The following RXRG variants were observed in gnomAD, a reference collection of about 807,000 sequenced individuals.
RXRG encodes retinoic acid receptor RXR-gamma.
RXRG carries 19 observed loss-of-function variants against 49.2 expected under a neutral mutation model. That is an observed-to-expected ratio of 0.39 (90% confidence interval 0.27 to 0.57). RXRG has a LOEUF of 0.57. RXRG is among the 20% of genes least tolerant of loss of function. RXRG has a pLI of 0.64. For missense variants in RXRG, 452 were observed against 592.5 expected (o/e 0.76, Z 2.46); for synonymous variants, 224 against 216.6 (o/e 1.03, Z -0.30).
chr1:165,438,750 A>C (rs557299545), intron 1 of RXRG, among the ~76,000 whole-genome samples: 1 of 152,230 alleles, frequency 6.6e-6, no homozygotes, highest in Non-Finnish European at 1.5e-5. Context: ...ATTTCTAAAC[A>C]AAAACAACCA....
chr1:165,424,182 G>A (rs1658410247), intron 2 of RXRG, among the ~76,000 whole-genome samples: 1 of 152,204 alleles, frequency 6.6e-6, no homozygotes, highest in South Asian at 2.1e-4. Context: ...TCTTCCCAAT[G>A]ATATATTGAT....
At chr1:165,406,431 G>A (rs1318297568) in intron 9 of RXRG, among the ~76,000 whole-genome samples, 1 of 152,212 alleles carries the variant, frequency 6.6e-6, no homozygotes, top group Non-Finnish European at 1.5e-5. Flanking sequence ...ACACGAACAG[G>A]GTTCACATCT....
Position 165,401,397 on chromosome 1 carries a change from G to A in RXRG, c.1258C>T (p.Leu420=), listed in dbSNP as rs1389890886. The part of the protein sequence containing the change: ...PEQPGRFAKL[L]LRLPALRSIG... ...GAACGCAGAGCTGGGAGGCGCAGCA[G>A]CAGCTTGGCAAACCTGCAGGGAAGC... Residue 420 remains leucine, a synonymous_variant, in exon 10 of 10, where the codon CTG becomes TTG. Coordinates refer to ENST00000359842, the MANE Select transcript of RXRG (RefSeq NM_006917.5). The A allele has an allele frequency of 6.2e-7, 1 of 1,614,116 alleles. No individual in the cohort carries two copies. Among genetic ancestry groups the A allele is most frequent in the Non-Finnish European group, 8.5e-7 (1 of 1,180,036 alleles).
At chr1:165,420,677 C>G (rs923881441) in intron 2 of RXRG, among the ~76,000 whole-genome samples, 1 of 152,204 alleles carries the variant, frequency 6.6e-6, no homozygotes, top group Non-Finnish European at 1.5e-5. Flanking sequence ...CTCCCCATCA[C>G]CATCCCTGTA....
intron 1 of RXRG, among the ~76,000 whole-genome samples, chr1:165,442,859 C>T (rs1217848443): frequency 6.6e-6 from 1 of 152,196 alleles, no homozygotes; most frequent in South Asian, 2.1e-4. Context: ...TGCCTAAGGT[C>T]ACACAGCTAC....
chr1:165,436,594 C>T (rs985979673), intron 1 of RXRG, among the ~76,000 whole-genome samples: 2 of 152,128 alleles, frequency 1.3e-5, no homozygotes, highest in African/African-American at 4.8e-5. Flanking sequence ...ATGGATTCTG[C>T]CTCGGAGGGA....
chr1:165,434,271 C>CGT lies in RXRG; in HGVS notation c.50-5306_50-5305insAC, dbSNP rs1491363219. ...ACCACAATCTCTAAACAATGAATTG[C>CGT]ATGTGTGTATGTGTGTGTGTGTGTG... is the stretch of plus-strand genomic sequence containing the variant. On this transcript the variant is annotated intron_variant, in intron 1 of 9. Coordinates refer to ENST00000359842, the MANE Select transcript of RXRG (RefSeq NM_006917.5). 2.7e-3 allele frequency among the ~76,000 whole-genome samples: 323 copies of CGT among 120,778 alleles called. 2 individuals carry two copies. The highest frequency in any genetic ancestry group is 8.0e-3 in the Middle Eastern group (2 of 250). 79.2% of individuals were successfully genotyped at this position (120,778 alleles called of 152,430 possible).
chr1:165,401,256 G>A lies in RXRG; in HGVS notation c.*7C>T. The A allele has an allele frequency of 6.2e-7, 1 of 1,613,912 alleles. No individual in the cohort carries two copies. The highest frequency in any genetic ancestry group is 8.5e-7 in the Non-Finnish European group (1 of 1,179,928). On this transcript the variant is annotated 3_prime_UTR_variant, in exon 10 of 10. Coordinates refer to ENST00000359842, the MANE Select transcript of RXRG (RefSeq NM_006917.5). ...ATCCTGGGTGGGGAGGCTGTGGCTG[G>A]TGGGGCTCAGGTGATCTGCAGCGGG...
chr1:165,443,498 C>T (rs1461050083), intron 1 of RXRG, among the ~76,000 whole-genome samples: 5 of 152,136 alleles, frequency 3.3e-5, no homozygotes, highest in African/African-American at 9.7e-5. Flanking sequence ...AACATCACCT[C>T]GGGAACATTT....
intron 1 of RXRG, among the ~76,000 whole-genome samples, chr1:165,437,786 C>T (rs146598739): frequency 2.0e-5 from 3 of 152,172 alleles, no homozygotes; most frequent in Non-Finnish European, 2.9e-5. Flanking sequence ...GACAGCCAGC[C>T]GGTCCTCGTT....
At chr1:165,424,882 C>T (rs1161404974) in intron 2 of RXRG, 1 of 985,428 alleles carries the variant, frequency 1.0e-6, no homozygotes, top group Non-Finnish European at 1.2e-6. Context: ...GTAGCTAACA[C>T]CAAGGCCTTT....
At chr1:165,419,774 G>A (rs919939950) in intron 3 of RXRG, 96 bp downstream of exon 3, 6 of 1,129,130 alleles carry the variant, frequency 5.3e-6, no homozygotes, top group Non-Finnish European at 7.2e-6. Context: ...ATCCTAAAGG[G>A]CCATTTTCCT....
At chr1:165,417,629 T>C (rs1308220749) in intron 3 of RXRG, among the ~76,000 whole-genome samples, 1 of 152,198 alleles carries the variant, frequency 6.6e-6, no homozygotes, top group Non-Finnish European at 1.5e-5. Context: ...ACTTAACTAA[T>C]TATAATTGAG....
At chr1:165,412,556 T>C (rs1657988111) in intron 4 of RXRG, among the ~76,000 whole-genome samples, 1 of 152,222 alleles carries the variant, frequency 6.6e-6, no homozygotes, top group African/African-American at 2.4e-5. Context: ...CCCTTATCTG[T>C]GAAGCAGAGA....
chr1:165,437,287 G>C (rs1658845666), intron 1 of RXRG: 1 of 1,265,612 alleles, frequency 7.9e-7, no homozygotes, highest in Non-Finnish European at 1.1e-6. Flanking sequence ...AAGACACCAA[G>C]AGCATGAAGC....
At chr1:165,444,745 TCTCC>T (rs1659107117) in intron 1 of RXRG, 96 bp downstream of exon 1, 3 of 1,050,348 alleles carry the variant, frequency 2.9e-6, no homozygotes, top group Non-Finnish European at 4.5e-6. Flanking sequence ...ACATATATGT[TCTCC>T]TTTTAATTCA....
At position 165,410,995 on chromosome 1, in the gene RXRG, A is replaced by T; in HGVS notation, c.737T>A (p.Val246Asp). 1.2e-6 allele frequency: 2 copies of T among 1,614,150 alleles called. No individual in the cohort carries two copies. Among genetic ancestry groups the T allele is most frequent in the South Asian group, 2.2e-5 (2 of 91,074 alleles). Reference sequence around the variant, plus strand: ...ACCATAGGATTCTGTCTTTGGTTCAACAGCAAGTTCAGCTTCTAGAATCCT... The same window carrying T: ...ACCATAGGATTCTGTCTTTGGTTCATCAGCAAGTTCAGCTTCTAGAATCCT... The part of the protein sequence containing the change: ...VERILEAELA[V>D]EPKTESYGDM... The change falls in exon 5 of 10, where the codon GTT becomes GAT. Residue 246 changes from valine (V) to aspartate (D), a missense_variant. Val to Asp is a radical substitution (Grantham distance 152). Around this residue, in one of 2 missense-constraint regions of RXRG, gnomAD observed 286 missense variants for 440.9 expected, o/e 0.65. Coordinates refer to ENST00000359842, the MANE Select transcript of RXRG (RefSeq NM_006917.5).
intron 1 of RXRG, among the ~76,000 whole-genome samples, chr1:165,438,475 T>A (rs1658882542): frequency 6.6e-6 from 1 of 152,200 alleles, no homozygotes; most frequent in Admixed American, 6.5e-5. Context: ...AGTTTTATTA[T>A]CCCCATTATA....
intron 2 of RXRG, among the ~76,000 whole-genome samples, chr1:165,424,222 A>G (rs757039668): frequency 6.6e-6 from 1 of 152,222 alleles, no homozygotes; most frequent in Non-Finnish European, 1.5e-5. Context: ...CTCCACTTAG[A>G]TGCTCCCCAG....
Sources: gnomAD v4.1 joint callset for allele counts (sites outside exome capture counted in the v4.1 genomes callset) on GRCh38, gnomAD v4.1.1 for gene constraint, gnomAD v4.1.1 regional missense constraint, MANE v1.5 for transcripts, NCBI Gene and HGNC (gene_info 2026-07-23, HGNC 2026-07-21) for gene names.